BICRAL: variants seen among roughly 807,000 people sequenced by gnomAD.
The protein encoded by BICRAL is BICRA like chromatin remodeling complex associated protein.
BICRAL carries 8 observed loss-of-function variants against 91.8 expected under a neutral mutation model. The observed-to-expected ratio is 0.09, with a 90% CI of 0.05 to 0.16. BICRAL has a LOEUF of 0.16. Ranked by LOEUF, BICRAL falls within the 10% of genes least tolerant of loss-of-function variation. The pLI is 1.00. For synonymous variants in BICRAL, 445 were observed against 491.1 expected, an observed-to-expected ratio of 0.91 and a Z score of 1.24; for missense variants, 1,038 against 1,310.9, an observed-to-expected ratio of 0.79 and a Z score of 3.21.
At chr6:42,779,423 T>TA (rs1582810139), upstream of BICRAL, among the ~76,000 whole-genome samples, 1 of 152,114 alleles carries the variant, frequency 6.6e-6, no homozygotes, top group East Asian at 1.9e-4. Context: ...AAAACATGTT[T>TA]AAAAAATTTT....
At chr6:42,848,609 C>T (rs1481640521) in intron 6 of BICRAL, among the ~76,000 whole-genome samples, 2 of 152,108 alleles carry the variant, frequency 1.3e-5, no homozygotes, top group Admixed American at 6.5e-5. Context: ...TTTAGGTGGC[C>T]GAGGCAGGTG....
At chr6:42,773,007 A>T (rs941784993) in intron 1 of BICRAL, among the ~76,000 whole-genome samples, 25 of 152,082 alleles carry the variant, frequency 1.6e-4, no homozygotes, top group Non-Finnish European at 3.5e-4. Flanking sequence ...GAGAATGATT[A>T]CCCAATAACC....
At chr6:42,828,440 G>T in intron 5 of BICRAL, 53 bp from the exon 6 acceptor site, 2 of 1,379,698 alleles carry the variant, frequency 1.4e-6, no homozygotes, top group Non-Finnish European at 2.0e-6. Flanking sequence ...TAATTTTTAT[G>T]CATCCTTTTC....
At chr6:42,749,109 G>A (rs760453365) in intron 1 of BICRAL, among the ~76,000 whole-genome samples, 5 of 152,066 alleles carry the variant, frequency 3.3e-5, no homozygotes, top group Admixed American at 6.6e-5. Context: ...GGACTTTACC[G>A]TTTATTTAAC....
chr6:42,840,403 C>A (rs780482841), intron 6 of BICRAL, among the ~76,000 whole-genome samples: 5 of 151,810 alleles, frequency 3.3e-5, no homozygotes, highest in Non-Finnish European at 5.9e-5. Context: ...CCACCACACC[C>A]GCTAATTTTT....
intron 1 of BICRAL, among the ~76,000 whole-genome samples, chr6:42,747,812 T>G (rs59316800): frequency 3.7e-4 from 51 of 138,678 alleles, no homozygotes; most frequent in African/African-American, 1.1e-3. Flanking sequence ...TTTGTTTTTT[T>G]TTTTTTTTTT....
At chr6:42,813,495 T>C (rs1021617259) in intron 2 of BICRAL, among the ~76,000 whole-genome samples, 8 of 152,122 alleles carry the variant, frequency 5.3e-5, no homozygotes, top group Non-Finnish European at 8.8e-5. Context: ...AGTGAAAATA[T>C]ATTTCAAAAA....
At chr6:42,843,298 G>A (rs995397716) in intron 6 of BICRAL, among the ~76,000 whole-genome samples, 4 of 152,174 alleles carry the variant, frequency 2.6e-5, no homozygotes, top group Non-Finnish European at 5.9e-5. Flanking sequence ...TCTGGGTGAA[G>A]AATGTTCCAT....
At chr6:42,799,811 T>C (rs915055390) in intron 1 of BICRAL, among the ~76,000 whole-genome samples, 5 of 152,210 alleles carry the variant, frequency 3.3e-5, no homozygotes, top group Non-Finnish European at 1.5e-5. Flanking sequence ...AGAAACTCAT[T>C]GTGAAACCTT....
chr6:42,844,240 G>C (rs890830885), intron 6 of BICRAL, among the ~76,000 whole-genome samples: 25 of 150,274 alleles, frequency 1.7e-4, no homozygotes, highest in African/African-American at 5.4e-4. Flanking sequence ...GGCTTGGCAC[G>C]GTGGCTCACG....
rs192218790 is a variant in BICRAL, at chr6:42,853,775, G to A, written c.2046+37G>A. The A allele has an allele frequency of 7.9e-5, 109 of 1,380,240 alleles. No homozygotes were observed. In the Admixed American group the frequency reaches 1.7e-3, roughly 21 times the overall value. The allele number at this position is 1,380,240 out of a possible 1,614,324, so 85.5% of individuals were successfully genotyped here. On this transcript the variant is annotated intron_variant, in intron 8 of 12. Coordinates refer to ENST00000314073, the MANE Select transcript of BICRAL (RefSeq NM_001393499.1). The stretch of plus-strand genomic sequence containing the variant: ...TTGGCATAGCCTCTTCCTAATGTTC[G>A]GCATAATTGAATGAAAATGTAGTCG...
rs1765747719 is a variant in BICRAL, at chr6:42,867,546, C to T, written c.*2100C>T. 1 of 152,546 alleles carries T rather than the reference C, an allele frequency of 6.6e-6. No individual in the cohort carries two copies. Among genetic ancestry groups the T allele is most frequent in the Non-Finnish European group, 1.5e-5 (1 of 68,034 alleles). The allele number at this position is 152,546 out of a possible 1,614,324, so 9.4% of individuals were successfully genotyped here. ...GGGCTCATGCTCCCCTAATTCCTAG[C>T]AAGATGATCCTTCCTAATCAAATTC... On this transcript the variant is annotated 3_prime_UTR_variant, in exon 13 of 13. Transcript: ENST00000314073.
At chr6:42,773,180 G>A (rs1400779390) in intron 1 of BICRAL, among the ~76,000 whole-genome samples, 1 of 151,520 alleles carries the variant, frequency 6.6e-6, no homozygotes, top group Non-Finnish European at 1.5e-5. Flanking sequence ...CTGGGTTCAA[G>A]GGATTCTTCC....
chr6:42,845,133 AATTTGAGATAAAG>A lies in BICRAL; in HGVS notation c.1840-6957_1840-6945del, dbSNP rs139515725. 6.2e-3 allele frequency among the ~76,000 whole-genome samples: 900 copies of A among 145,930 alleles called. 44 individuals are homozygous for A. In the East Asian group the frequency reaches 0.13, roughly 20 times the overall value. ...GAGCCTGTGTGTTTCTTGGATGGTA[AATTTGAGATAAAG>A]ACTGTTTGGTATCCTTCGGCTGCCT... On this transcript the variant is annotated intron_variant, in intron 6 of 12. Transcript: ENST00000314073.
chr6:42,863,081 G>A lies in BICRAL; in HGVS notation c.2452+469G>A, dbSNP rs1447002775. 3.7e-5 allele frequency among the ~76,000 whole-genome samples: 5 copies of A among 136,466 alleles called. No homozygotes were observed. The South Asian group carries it at 6.8e-4, about 18-fold the overall frequency. The allele number at this position is 136,466 out of a possible 152,430, so 89.5% of individuals were successfully genotyped here. A position where few individuals can be genotyped will look rare whatever the true frequency, so the allele number is the denominator to read the frequency against. On this transcript the variant is annotated intron_variant, in intron 12 of 12. Coordinates refer to ENST00000314073, the MANE Select transcript of BICRAL (RefSeq NM_001393499.1). Reference sequence around the variant, plus strand: ...TTTTTTTTTTTTGAGACGGAGTATCGCTCTGTCGCCCAGGCTGGAGTTCAG... The same window carrying A: ...TTTTTTTTTTTTGAGACGGAGTATCACTCTGTCGCCCAGGCTGGAGTTCAG...
chr6:42,832,760 C>T (rs1360907649), intron 6 of BICRAL, among the ~76,000 whole-genome samples: 7 of 152,030 alleles, frequency 4.6e-5, no homozygotes, highest in South Asian at 2.1e-4. Flanking sequence ...TACACACACA[C>T]ACTTTTCAGA....
chr6:42,785,796 C>T (rs1334879846), intron 1 of BICRAL, among the ~76,000 whole-genome samples: 2 of 152,150 alleles, frequency 1.3e-5, no homozygotes, highest in African/African-American at 4.8e-5. Context: ...TGGCTCACAC[C>T]TGTAATCCCA....
chr6:42,806,163 A>T (rs1475180308), intron 1 of BICRAL, among the ~76,000 whole-genome samples: 1 of 152,178 alleles, frequency 6.6e-6, no homozygotes, highest in Non-Finnish European at 1.5e-5. Flanking sequence ...TTCTCCCCTT[A>T]AGTTTGGAGA....
At chr6:42,827,782 GGCCGA>G (rs1451867761) in intron 5 of BICRAL, among the ~76,000 whole-genome samples, 1 of 152,146 alleles carries the variant, frequency 6.6e-6, no homozygotes, top group African/African-American at 2.4e-5. Flanking sequence ...CTACTCAGGA[GGCCGA>G]GATGGGAGGA....
Sources: gnomAD v4.1 joint callset for allele counts (sites outside exome capture counted in the v4.1 genomes callset) on GRCh38, gnomAD v4.1.1 for gene constraint, MANE v1.5 for transcripts, NCBI Gene and HGNC (gene_info 2026-07-23, HGNC 2026-07-21) for gene names.